Variants in ITSN2 observed in about 807,000 individuals in gnomAD.
ITSN2 encodes intersectin-2.
ITSN2 carries 156 observed loss-of-function variants against 243.7 expected under a neutral mutation model. That is an observed-to-expected ratio of 0.64 (90% confidence interval 0.56 to 0.73). The LOEUF (loss-of-function observed/expected upper bound fraction) is 0.73. Among genes scored for constraint, ITSN2 ranks in the 30% least tolerant of loss-of-function variants. The probability of loss-of-function intolerance (pLI) is 0.00; values close to 1 mark genes in which losing one functional copy is unlikely to be tolerated. For synonymous variants in ITSN2, 703 were observed against 699.9 expected, an observed-to-expected ratio of 1.00 and a Z score of -0.07; for missense variants, 1,801 against 1,996.1, an observed-to-expected ratio of 0.90 and a Z score of 1.86.
intron 22 of ITSN2, among the ~76,000 whole-genome samples, chr2:24,260,569 T>A (rs1675703122): frequency 6.6e-6 from 1 of 152,092 alleles, no homozygotes; most frequent in Non-Finnish European, 1.5e-5. Flanking sequence ...ATTTTGAGCT[T>A]AGAAACCTTA....
At chr2:24,330,538 C>A (rs1685663643) in intron 1 of ITSN2, 8 of 760,126 alleles carry the variant, frequency 1.1e-5, no homozygotes, top group Admixed American at 1.7e-5. Flanking sequence ...AAGGCCCCTG[C>A]AAAGAAGGGA....
At chr2:24,358,435 G>C (rs1026600181) in intron 1 of ITSN2, among the ~76,000 whole-genome samples, 1 of 152,136 alleles carries the variant, frequency 6.6e-6, no homozygotes, top group Admixed American at 6.5e-5. Flanking sequence ...AAAACACTTA[G>C]CATAGAGTCT....
chr2:24,225,408 C>A lies in ITSN2; in HGVS notation c.3578-4342G>T, dbSNP rs1018523051. On this transcript the variant is annotated intron_variant, in intron 29 of 39. Transcript: ENST00000355123. The surrounding 1 kb of genome is among the most constrained non-coding windows in gnomAD (Gnocchi z 4.2). ...GGATTCTGGTTTCTGCCCCACTGCC[C>A]GACACTGCTCTCGGGAAGGTATCGA... is the stretch of plus-strand genomic sequence containing the variant. 2.0e-5 allele frequency among the ~76,000 whole-genome samples: 3 copies of A among 152,308 alleles called. No homozygotes were observed. Among genetic ancestry groups the A allele is most frequent in the African/African-American group, 7.2e-5 (3 of 41,574 alleles).
At chr2:24,237,434 A>G (rs1672288256) in intron 29 of ITSN2, among the ~76,000 whole-genome samples, 1 of 151,234 alleles carries the variant, frequency 6.6e-6, no homozygotes, top group Non-Finnish European at 1.5e-5. Flanking sequence ...AGGAGGTCTG[A>G]TCTTCTTCCC....
rs1205512506 is a variant in ITSN2 at position 24,204,098 on chromosome 2, C to T, written c.4936+147G>A. The T allele has an allele frequency of 7.6e-6, 6 of 791,768 alleles. No homozygotes were observed. The highest frequency in any genetic ancestry group is 5.2e-5 in the African/African-American group (3 of 57,336). The allele number at this position is 791,768 out of a possible 1,614,324, so 49.0% of individuals were successfully genotyped here. A position where few individuals can be genotyped will look rare whatever the true frequency, so the allele number is the denominator to read the frequency against. The stretch of plus-strand genomic sequence containing the variant: ...ACCTCCTCCCCTGAGGAAGGCCACC[C>T]ACCTGCTGCCAAAGCGAGATGACAC... On this transcript the variant is annotated intron_variant, in intron 39 of 39. Transcript: ENST00000355123. The surrounding 1 kb of genome is among the most constrained non-coding windows in gnomAD (Gnocchi z 5.1).
In ITSN2 at chr2:24,284,988, C is replaced by A. The variant is rs189881809; in HGVS notation, c.1864-145G>T. The A allele has an allele frequency of 6.7e-5, 34 of 503,742 alleles. No individual in the cohort carries two copies. In the Admixed American group the frequency reaches 1.1e-3, roughly 16 times the overall value. 31.2% of individuals were successfully genotyped at this position (503,742 alleles called of 1,614,324 possible). On this transcript the variant is annotated intron_variant, in intron 16 of 39. Coordinates refer to ENST00000355123, the MANE Select transcript of ITSN2 (RefSeq NM_006277.3). ...CTCAGCTCACTGCAACCTCCACCTC[C>A]CGGGTTCAAGCGATTCTCCTGCCTC...
intron 1 of ITSN2, among the ~76,000 whole-genome samples, chr2:24,346,796 T>G (rs1460581834): frequency 6.6e-6 from 1 of 151,842 alleles, no homozygotes; most frequent in Non-Finnish European, 1.5e-5. Context: ...GGTAAATATG[T>G]GCCTCTAATT....
chr2:24,237,485 T>C (rs1037398830), intron 29 of ITSN2, among the ~76,000 whole-genome samples: 3 of 152,176 alleles, frequency 2.0e-5, no homozygotes, highest in Admixed American at 2.0e-4. Context: ...CAACTACCAA[T>C]ATGTATGTCA....
chr2:24,353,682 T>C (rs1425781440), intron 1 of ITSN2, among the ~76,000 whole-genome samples: 3 of 152,176 alleles, frequency 2.0e-5, no homozygotes, highest in South Asian at 2.1e-4. Flanking sequence ...GGAATACGTA[T>C]TGGTATCACT....
At chr2:24,266,796 G>T (rs1676705655) in intron 20 of ITSN2, among the ~76,000 whole-genome samples, 1 of 151,332 alleles carries the variant, frequency 6.6e-6, no homozygotes, top group South Asian at 2.1e-4. Context: ...AAATAGCCAG[G>T]TGTGGTGGTG....
chr2:24,229,814 A>C (rs1173032026), intron 29 of ITSN2, among the ~76,000 whole-genome samples: 1 of 152,100 alleles, frequency 6.6e-6, no homozygotes, highest in South Asian at 2.1e-4. Flanking sequence ...CTCGATCCTC[A>C]TGAGATCCTT....
intron 17 of ITSN2, among the ~76,000 whole-genome samples, chr2:24,283,552 A>G (rs1057226188): frequency 6.6e-6 from 1 of 152,170 alleles, no homozygotes; most frequent in Non-Finnish European, 1.5e-5. Context: ...ATGTTAACTA[A>G]TAACTCTGTA....
chr2:24,293,712 T>C lies in ITSN2; in HGVS notation c.1699A>G (p.Asn567Asp), dbSNP rs370428258. Residue 567 changes from asparagine to aspartate, a missense_variant, in exon 15 of 40, where the codon AAC (asparagine) becomes GAC (aspartate). Transcript: ENST00000355123. ...CCAGGTGTGTTACTGAACTGCATGT[T>C]TTTAATTCTTTCATTTAATAATTGC... ...EKQLLNERIK[N>D]MQFSNTPDSG... The C allele has an allele frequency of 2.4e-6, 3 of 1,241,494 alleles. No individual in the cohort carries two copies. The highest frequency in any genetic ancestry group is 1.6e-5 in the African/African-American group (1 of 64,272). 76.9% of individuals were successfully genotyped at this position (1,241,494 alleles called of 1,614,324 possible).
Position 24,270,868 on chromosome 2 carries a change from C to G in ITSN2, c.2258-100G>C, listed in dbSNP as rs569043365. 2.7e-5 allele frequency: 17 copies of G among 627,900 alleles called. No individual in the cohort carries two copies. In the South Asian group the frequency reaches 3.7e-4, roughly 14 times the overall value. The allele number at this position is 627,900 out of a possible 1,614,324, so 38.9% of individuals were successfully genotyped here. A position where few individuals can be genotyped will look rare whatever the true frequency, so the allele number is the denominator to read the frequency against. On this transcript the variant is annotated intron_variant, in intron 19 of 39. Transcript: ENST00000355123. ...AAACCTAAAAGAAAAAATCAAGCAC[C>G]AAATACTACAATGAAAATCCACTTG...
At chr2:24,329,067 AG>A (rs1294293641) in intron 1 of ITSN2, among the ~76,000 whole-genome samples, 2 of 152,184 alleles carry the variant, frequency 1.3e-5, no homozygotes, top group Non-Finnish European at 2.9e-5. Context: ...AATACTTTGC[AG>A]AAGTATTTTT....
intron 29 of ITSN2, among the ~76,000 whole-genome samples, chr2:24,222,096 CA>C (rs1413798386): frequency 6.6e-6 from 1 of 151,762 alleles, no homozygotes; most frequent in Non-Finnish European, 1.5e-5. Flanking sequence ...ACTAAAATTA[CA>C]AAAAATTAGC....
At chr2:24,336,936 G>A (rs917430661) in intron 1 of ITSN2, among the ~76,000 whole-genome samples, 22 of 152,010 alleles carry the variant, frequency 1.4e-4, no homozygotes, top group Admixed American at 8.5e-4. Context: ...CAAGCAGGGA[G>A]AGGCAACGAT....
intron 2 of ITSN2, among the ~76,000 whole-genome samples, chr2:24,317,060 C>T (rs1684013958): frequency 6.6e-6 from 1 of 152,164 alleles, no homozygotes; most frequent in African/African-American, 2.4e-5. Flanking sequence ...TAGACACTGG[C>T]CCCAACAGTA....
intron 20 of ITSN2, among the ~76,000 whole-genome samples, chr2:24,267,482 C>A (rs568824128): frequency 2.6e-5 from 4 of 151,964 alleles, no homozygotes. Context: ...CATACACACA[C>A]ACACATTTAC....
Sources: gnomAD v4.1 joint callset for allele counts (sites outside exome capture counted in the v4.1 genomes callset) on GRCh38, gnomAD v4.1.1 for gene constraint, Gnocchi (gnomAD v3.1) non-coding constraint, MANE v1.5 for transcripts, NCBI Gene and HGNC (gene_info 2026-07-23, HGNC 2026-07-21) for gene names.